Variants in RBFOX1 observed in about 807,000 individuals in gnomAD.
RBFOX1 encodes RNA binding fox-1 homolog 1.
RBFOX1 carries 8 observed loss-of-function variants against 57.7 expected under a neutral mutation model. The observed-to-expected ratio is 0.14, with a 90% CI of 0.08 to 0.25. The LOEUF is 0.25. Ranked by LOEUF, RBFOX1 falls within the 10% of genes least tolerant of loss-of-function variation. The pLI, the probability that RBFOX1 is intolerant of heterozygous loss-of-function variation, is 1.00. For missense variants in RBFOX1, 611 were observed against 548.5 expected, an observed-to-expected ratio of 1.11 and a Z score of -1.14; for synonymous variants, 326 against 222.4, an observed-to-expected ratio of 1.47 and a Z score of -4.15.
At chr16:6,698,399 A>G (rs2061357049) in intron 3 of RBFOX1, among the ~76,000 whole-genome samples, 2 of 152,196 alleles carry the variant, frequency 1.3e-5, no homozygotes, top group African/African-American at 2.4e-5. Flanking sequence ...AGCTACAAAA[A>G]CTAGAGATTC....
chr16:6,525,291 T>A (rs993912798), intron 2 of RBFOX1, among the ~76,000 whole-genome samples: 7 of 152,138 alleles, frequency 4.6e-5, no homozygotes, highest in Admixed American at 4.6e-4. Context: ...AATCCTAAAC[T>A]TACTGGGGAG....
chr16:6,609,703 AC>A (rs1360541562), intron 2 of RBFOX1, among the ~76,000 whole-genome samples: 1 of 151,928 alleles, frequency 6.6e-6, no homozygotes, highest in East Asian at 1.9e-4. Context: ...TTCATAGATA[AC>A]CCCCTTTAAA....
intron 3 of RBFOX1, among the ~76,000 whole-genome samples, chr16:6,877,889 G>A (rs1336476009): frequency 6.6e-6 from 1 of 152,146 alleles, no homozygotes; most frequent in Non-Finnish European, 1.5e-5. Context: ...ATTGCTTCCA[G>A]ACTAAGAACT....
intron 3 of RBFOX1, among the ~76,000 whole-genome samples, chr16:7,051,807 A>G (rs1019996513): frequency 6.6e-6 from 1 of 152,112 alleles, no homozygotes; most frequent in Non-Finnish European, 1.5e-5. Flanking sequence ...GCTGCCTCCC[A>G]CACATACTCC....
chr16:5,333,544 A>G (rs922980874), intron 1 of RBFOX1, among the ~76,000 whole-genome samples: 24 of 152,216 alleles, frequency 1.6e-4, no homozygotes, highest in Admixed American at 1.5e-3. Context: ...TTTGGTTTGA[A>G]GCACAGCAGA....
Position 7,003,850 on chromosome 16 carries a change from C to G in RBFOX1, c.-15-48207C>G, listed in dbSNP as rs114886137. Among the ~76,000 whole-genome samples the G allele has an allele frequency of 8.4e-3, 1,285 of 152,236 alleles. 18 individuals are homozygous for G. The highest frequency in any genetic ancestry group is 0.028 in the African/African-American group (1,156 of 41,538). ...TCTACTTATAAATTGCAAAGACTCA[C>G]TAATGGTTTTCAGATGATTGGTTAT... On this transcript the variant is annotated intron_variant, in intron 3 of 15. Transcript: ENST00000550418.
chr16:6,707,726 C>T (rs747190411), intron 3 of RBFOX1, among the ~76,000 whole-genome samples: 1 of 152,142 alleles, frequency 6.6e-6, no homozygotes, highest in African/African-American at 2.4e-5. Flanking sequence ...CTCCATAGCA[C>T]ATTTTTAATT....
intron 2 of RBFOX1, among the ~76,000 whole-genome samples, chr16:6,344,882 G>A (rs532032129): frequency 3.6e-4 from 55 of 151,702 alleles, no homozygotes; most frequent in African/African-American, 1.3e-3. Flanking sequence ...GTAGACACGA[G>A]GTTTCACCAG....
chr16:7,478,955 C>T (rs755047011), intron 4 of RBFOX1, among the ~76,000 whole-genome samples: 8 of 151,876 alleles, frequency 5.3e-5, no homozygotes, highest in Admixed American at 2.0e-4. Flanking sequence ...CCGTGCGGAC[C>T]GAACACGGTA....
chr16:7,223,594 C>A (rs11077154), intron 4 of RBFOX1, among the ~76,000 whole-genome samples: 1 of 151,524 alleles, frequency 6.6e-6, no homozygotes, highest in African/African-American at 2.4e-5. Context: ...CTCACATCCA[C>A]CTCAGCTTAA....
At chr16:7,275,959 G>A (rs972594165) in intron 4 of RBFOX1, among the ~76,000 whole-genome samples, 3 of 152,080 alleles carry the variant, frequency 2.0e-5, no homozygotes, top group Non-Finnish European at 2.9e-5. Flanking sequence ...CCACCACCAC[G>A]AAGTGTGTCA....
At chr16:7,493,140 A>C (rs910316725) in intron 4 of RBFOX1, among the ~76,000 whole-genome samples, 17 of 152,114 alleles carry the variant, frequency 1.1e-4, no homozygotes, top group African/African-American at 3.9e-4. Flanking sequence ...CTGCCTCCCA[A>C]AGTGCTGGGA....
At chr16:7,699,014 A>C (rs552901542) in intron 14 of RBFOX1, among the ~76,000 whole-genome samples, 7 of 152,342 alleles carry the variant, frequency 4.6e-5, no homozygotes, top group African/African-American at 1.7e-4. Context: ...AATGCACCAA[A>C]GTCACCTGGA....
intron 4 of RBFOX1, among the ~76,000 whole-genome samples, chr16:7,117,976 T>C (rs1203936210): frequency 6.6e-6 from 1 of 152,186 alleles, no homozygotes; most frequent in Non-Finnish European, 1.5e-5. Flanking sequence ...TGCTATAATC[T>C]TATGCAATCA....
chr16:6,351,009 G>T (rs2152844917), intron 2 of RBFOX1, among the ~76,000 whole-genome samples: 1 of 152,260 alleles, frequency 6.6e-6, no homozygotes, highest in Admixed American at 6.5e-5. Flanking sequence ...GTAGCAACTT[G>T]TGCAAAGTTG....
intron 1 of RBFOX1, among the ~76,000 whole-genome samples, chr16:5,397,941 A>G (rs1031528342): frequency 4.6e-5 from 7 of 152,208 alleles, no homozygotes; most frequent in African/African-American, 1.7e-4. Context: ...TTGCTGAACA[A>G]GACATTCGAG....
intron 2 of RBFOX1, among the ~76,000 whole-genome samples, chr16:6,375,856 A>T (rs545667120): frequency 6.6e-6 from 1 of 152,188 alleles, no homozygotes; most frequent in East Asian, 1.9e-4. Flanking sequence ...AATGCAAAAA[A>T]CACACTCCCT....
intron 1 of RBFOX1, among the ~76,000 whole-genome samples, chr16:6,083,279 A>G (rs556953905): frequency 1.3e-5 from 2 of 152,176 alleles, no homozygotes; most frequent in Admixed American, 6.5e-5. Flanking sequence ...CTAGGATTAC[A>G]GGCGTGAGCT....
At chr16:6,512,514 T>C (rs371329184) in intron 2 of RBFOX1, among the ~76,000 whole-genome samples, 2 of 152,096 alleles carry the variant, frequency 1.3e-5, no homozygotes, top group African/African-American at 4.8e-5. Flanking sequence ...AAGCCTAATG[T>C]AGAGGGTCTG....
Sources: gnomAD v4.1 joint callset for allele counts (sites outside exome capture counted in the v4.1 genomes callset) on GRCh38, gnomAD v4.1.1 for gene constraint, MANE v1.5 for transcripts, NCBI Gene and HGNC (gene_info 2026-07-23, HGNC 2026-07-21) for gene names.